The following SP100 variants were observed in gnomAD, a reference collection of about 807,000 sequenced individuals.
The protein encoded by SP100 is nuclear autoantigen Sp-100.
A neutral mutation model predicts 130.0 loss-of-function variants in SP100; 84 were observed. The observed-to-expected ratio is 0.65, with a 90% CI of 0.54 to 0.77. SP100 has a LOEUF of 0.77. SP100 is among the 30% of genes least tolerant of loss of function. The pLI, the probability that SP100 is intolerant of heterozygous loss-of-function variation, is 0.00. For synonymous variants in SP100, 331 were observed against 351.7 expected (o/e 0.94, Z 0.66); for missense variants, 978 against 1,052.2 (o/e 0.93, Z 0.97).
chr2:230,524,557 G>A (rs1419724815), intron 24 of SP100, among the ~76,000 whole-genome samples: 6 of 152,130 alleles, frequency 3.9e-5, no homozygotes, highest in East Asian at 1.9e-4. Context: ...GATATTCACA[G>A]GTTATAAAAT....
intron 17 of SP100, among the ~76,000 whole-genome samples, chr2:230,489,432 C>G (rs1559516099): frequency 6.6e-6 from 1 of 151,772 alleles, no homozygotes; most frequent in South Asian, 2.1e-4. Flanking sequence ...ATTAGTCTAT[C>G]TAGTGGTCTA....
chr2:230,443,417 G>T (rs927236438), intron 3 of SP100, among the ~76,000 whole-genome samples: 2 of 152,094 alleles, frequency 1.3e-5, no homozygotes, highest in Non-Finnish European at 2.9e-5. Context: ...TGTAGAATTC[G>T]TACACTATAA....
chr2:230,544,418 A>G lies in SP100; in HGVS notation c.*1472A>G, dbSNP rs1231043221. Among the ~76,000 whole-genome samples the G allele has an allele frequency of 9.2e-5, 14 of 152,236 alleles. 1 individual carries two copies. The highest frequency in any genetic ancestry group is 9.2e-4 in the Admixed American group (14 of 15,282). On this transcript the variant is annotated 3_prime_UTR_variant, in exon 29 of 29. Coordinates refer to ENST00000340126, the MANE Select transcript of SP100 (RefSeq NM_001080391.2). The stretch of plus-strand genomic sequence containing the variant: ...GACAAAGGTCTAATAGCCAGCTTCT[A>G]TAGGGAACTTAAACAAATTTACAAG...
chr2:230,461,409 T>A lies in SP100; in HGVS notation c.968T>A (p.Ile323Lys), dbSNP rs2064617939. 1 of 1,613,992 alleles carries A rather than the reference T, an allele frequency of 6.2e-7. No individual in the cohort carries two copies. Among genetic ancestry groups the A allele is most frequent in the South Asian group, 1.1e-5 (1 of 91,088 alleles). ...ACTCATCATAACCAGGCATCTGACA[T>A]AATAGGTAAGGCTGACTGGGAGAGT... The part of the protein sequence containing the change: ...ARTHHNQASD[I>K]IVISSEDSEG... Residue 323 changes from isoleucine (I) to lysine (K), a missense_variant, in exon 9 of 29, where the codon ATA becomes AAA. Coordinates refer to ENST00000340126, the MANE Select transcript of SP100 (RefSeq NM_001080391.2).
Position 230,539,073 on chromosome 2 carries a change from T to C in SP100, c.2095-194T>C, listed in dbSNP as rs774525114. On this transcript the variant is annotated intron_variant, in intron 24 of 28. Coordinates refer to ENST00000340126, the MANE Select transcript of SP100 (RefSeq NM_001080391.2). ...ATCTCTGGTTTCATAAAGAAAACTT[T>C]TCTGGCCTGACACACAGCCACTATC... 1.2e-4 allele frequency: 52 copies of C among 418,548 alleles called. 2 individuals carry two copies. The highest frequency in any genetic ancestry group is 2.1e-4 in the Non-Finnish European group (48 of 227,414). The allele number at this position is 418,548 out of a possible 1,614,324, so 25.9% of individuals were successfully genotyped here.
intron 2 of SP100, among the ~76,000 whole-genome samples, chr2:230,423,808 C>T (rs1004611374): frequency 2.0e-5 from 3 of 152,122 alleles, no homozygotes; most frequent in East Asian, 1.9e-4. Flanking sequence ...CTCAGTGGAA[C>T]GAGTGGGGGA....
chr2:230,539,197 T>C (rs560471792), intron 24 of SP100, 70 bp from the exon 25 acceptor site: 2 of 912,960 alleles, frequency 2.2e-6, no homozygotes, highest in African/African-American at 3.3e-5. Flanking sequence ...CCTTGATACA[T>C]AAAAAGGTCA....
At chr2:230,529,864 A>C (rs1030357668) in intron 24 of SP100, among the ~76,000 whole-genome samples, 3 of 152,194 alleles carry the variant, frequency 2.0e-5, no homozygotes, top group African/African-American at 7.2e-5. Flanking sequence ...TAGGAATCCA[A>C]CTTGCAAGGG....
chr2:230,416,863 G>T, intron 1 of SP100: 1 of 985,460 alleles, frequency 1.0e-6, no homozygotes, highest in Non-Finnish European at 1.2e-6. Flanking sequence ...AAGAAGGAAA[G>T]GGAAGAAAAA....
At chr2:230,519,121 C>G (rs1242319523) in intron 24 of SP100, among the ~76,000 whole-genome samples, 1 of 152,174 alleles carries the variant, frequency 6.6e-6, no homozygotes, top group African/African-American at 2.4e-5. Context: ...ATTTATATCT[C>G]AAAGCACAGA....
intron 4 of SP100, among the ~76,000 whole-genome samples, chr2:230,445,924 A>G (rs6759292): frequency 0.15 from 23,314 of 151,036 alleles, 1,982 homozygotes; most frequent in Non-Finnish European, 0.19. Flanking sequence ...CCCACCCAGC[A>G]CAGCAAGCCC....
intron 24 of SP100, among the ~76,000 whole-genome samples, chr2:230,522,456 T>C (rs925234100): frequency 2.7e-5 from 4 of 150,914 alleles, no homozygotes; most frequent in African/African-American, 9.7e-5. Flanking sequence ...TCTCCTTTAG[T>C]GCTCTTTGGC....
intron 17 of SP100, among the ~76,000 whole-genome samples, chr2:230,481,498 T>C (rs530431237): frequency 2.0e-5 from 3 of 152,166 alleles, no homozygotes; most frequent in Non-Finnish European, 4.4e-5. Flanking sequence ...ATTTGTCCAT[T>C]CTTTATCTCC....
intron 16 of SP100, among the ~76,000 whole-genome samples, chr2:230,474,004 T>C (rs2065408068): frequency 6.6e-6 from 1 of 152,150 alleles, no homozygotes; most frequent in Non-Finnish European, 1.5e-5. Context: ...AAAAATCAGA[T>C]ACCTACTCTT....
intron 8 of SP100, among the ~76,000 whole-genome samples, chr2:230,451,680 G>T (rs991160403): frequency 1.3e-5 from 2 of 152,148 alleles, no homozygotes; most frequent in African/African-American, 4.8e-5. Context: ...TTTTGTGATT[G>T]TGCTTCTGGT....
At chr2:230,439,797 G>T (rs1454921402) in intron 2 of SP100, among the ~76,000 whole-genome samples, 1 of 151,992 alleles carries the variant, frequency 6.6e-6, no homozygotes, top group Non-Finnish European at 1.5e-5. Context: ...CCTCTTTACC[G>T]ATTAGGATGC....
chr2:230,419,604 A>G (rs2062712225), intron 2 of SP100, among the ~76,000 whole-genome samples: 1 of 152,228 alleles, frequency 6.6e-6, no homozygotes, highest in African/African-American at 2.4e-5. Flanking sequence ...GAGGTTGTTA[A>G]TATCTACAGT....
chr2:230,495,528 C>T (rs905337271), intron 18 of SP100, among the ~76,000 whole-genome samples: 3 of 152,136 alleles, frequency 2.0e-5, no homozygotes, highest in Non-Finnish European at 4.4e-5. Context: ...CCATGTTGGC[C>T]AGGCTGGTCT....
intron 17 of SP100, among the ~76,000 whole-genome samples, chr2:230,480,444 A>G (rs1456501504): frequency 6.6e-6 from 1 of 152,234 alleles, no homozygotes; most frequent in East Asian, 1.9e-4. Context: ...GCTCTTTGTC[A>G]TAAGTAATCA....
Sources: gnomAD v4.1 joint callset for allele counts (sites outside exome capture counted in the v4.1 genomes callset) on GRCh38, gnomAD v4.1.1 for gene constraint, MANE v1.5 for transcripts, NCBI Gene and HGNC (gene_info 2026-07-23, HGNC 2026-07-21) for gene names.